The following SUPT3H variants were observed in gnomAD, a reference collection of about 807,000 sequenced individuals.
SUPT3H encodes the protein SPT3 homolog, SAGA and STAGA complex component.
SUPT3H carries 44 observed loss-of-function variants against 44.3 expected under a neutral mutation model. The observed-to-expected ratio is 0.99, with a 90% CI of 0.78 to 1.28. The LOEUF (loss-of-function observed/expected upper bound fraction) is 1.28, where lower values mean the gene tolerates loss of function less well. SUPT3H is among the 50% of genes most tolerant of loss of function. The probability of loss-of-function intolerance (pLI) is 0.00; values close to 1 mark genes in which losing one functional copy is unlikely to be tolerated. For missense variants in SUPT3H, 380 were observed against 387.1 expected (o/e 0.98, Z 0.15); for synonymous variants, 124 against 125.6 (o/e 0.99, Z 0.09).
chr6:45,288,547 GTATATA>G (rs58524677), intron 2 of SUPT3H, among the ~76,000 whole-genome samples: 48 of 126,734 alleles, frequency 3.8e-4, no homozygotes, highest in South Asian at 1.1e-3. Flanking sequence ...GTGTGTGTGT[GTATATA>G]TATATATATA....
At chr6:45,008,888 C>T (rs1783079414) in intron 5 of SUPT3H, among the ~76,000 whole-genome samples, 1 of 152,054 alleles carries the variant, frequency 6.6e-6, no homozygotes, top group East Asian at 1.9e-4. Context: ...TACAGGCACA[C>T]ACCACTATAC....
intron 10 of SUPT3H, among the ~76,000 whole-genome samples, chr6:44,888,962 T>C (rs1470607308): frequency 1.1e-5 from 1 of 94,794 alleles, no homozygotes; most frequent in Non-Finnish European, 2.1e-5. Context: ...AGCATTCTTA[T>C]ACACCAACAA....
intron 9 of SUPT3H, among the ~76,000 whole-genome samples, chr6:44,949,610 G>GC (rs1773956479): frequency 3.9e-5 from 2 of 51,770 alleles, no homozygotes; most frequent in Non-Finnish European, 1.2e-4. Flanking sequence ...CCCTTTGCCT[G>GC]CAAAAAAAAA....
chr6:44,940,029 T>G (rs891315432), intron 9 of SUPT3H, among the ~76,000 whole-genome samples: 1 of 152,058 alleles, frequency 6.6e-6, no homozygotes, highest in African/African-American at 2.4e-5. Context: ...TTTGTATTTT[T>G]TTTTGTCTTT....
At chr6:45,354,630 TAC>T (rs35189031) in intron 2 of SUPT3H, among the ~76,000 whole-genome samples, 27,934 of 149,570 alleles carry the variant, frequency 0.19, 3,694 homozygotes, top group African/African-American at 0.38. Flanking sequence ...CACGCACACA[TAC>T]ACACACACAC....
intron 2 of SUPT3H, among the ~76,000 whole-genome samples, chr6:45,300,911 G>A (rs543758532): frequency 3.9e-5 from 6 of 152,284 alleles, no homozygotes; most frequent in African/African-American, 1.4e-4. Flanking sequence ...CAACAAAACT[G>A]TGGGTTCAGC....
At chr6:44,901,653 G>A (rs376628611) in intron 10 of SUPT3H, among the ~76,000 whole-genome samples, 3 of 148,804 alleles carry the variant, frequency 2.0e-5, no homozygotes. Context: ...CCAACATTCA[G>A]ATTCAGGAAA....
At chr6:45,344,958 C>G (rs1790551634) in intron 2 of SUPT3H, among the ~76,000 whole-genome samples, 1 of 152,102 alleles carries the variant, frequency 6.6e-6, no homozygotes, top group Non-Finnish European at 1.5e-5. Flanking sequence ...TGAAGCCAAG[C>G]TTCATTCTGG....
At chr6:45,089,311 T>G (rs999582996) in intron 3 of SUPT3H, among the ~76,000 whole-genome samples, 1 of 152,090 alleles carries the variant, frequency 6.6e-6, no homozygotes, top group Non-Finnish European at 1.5e-5. Context: ...ATTTCTTATT[T>G]CAATGATGTT....
intron 2 of SUPT3H, among the ~76,000 whole-genome samples, chr6:45,255,959 CAGG>C (rs754032536): frequency 2.6e-5 from 4 of 152,124 alleles, no homozygotes; most frequent in Non-Finnish European, 5.9e-5. Flanking sequence ...ATCACGAGGT[CAGG>C]AGATCGAGAC....
chr6:45,368,942 A>G (rs548471435), intron 1 of SUPT3H, among the ~76,000 whole-genome samples: 12 of 152,168 alleles, frequency 7.9e-5, no homozygotes, highest in Non-Finnish European at 1.3e-4. Context: ...ATCAGGTTAC[A>G]TCATGATCTA....
At chr6:44,834,421 G>A (rs1286649496) in intron 10 of SUPT3H, among the ~76,000 whole-genome samples, 4 of 151,968 alleles carry the variant, frequency 2.6e-5, no homozygotes, top group African/African-American at 4.8e-5. Flanking sequence ...ATTGCTTTCC[G>A]CCCCCAAGAT....
chr6:44,943,657 C>T (rs1389149349), intron 9 of SUPT3H, among the ~76,000 whole-genome samples: 3 of 151,930 alleles, frequency 2.0e-5, no homozygotes, highest in Non-Finnish European at 4.4e-5. Flanking sequence ...GAGAAAACAA[C>T]ACATTAGACA....
chr6:45,342,348 G>A (rs1019548051), intron 2 of SUPT3H, among the ~76,000 whole-genome samples: 5 of 151,912 alleles, frequency 3.3e-5, no homozygotes, highest in Admixed American at 2.0e-4. Flanking sequence ...TGCAACCTCC[G>A]CCTCCTGGGT....
chr6:44,944,966 G>A (rs1483807541), intron 9 of SUPT3H, among the ~76,000 whole-genome samples: 1 of 151,652 alleles, frequency 6.6e-6, no homozygotes, highest in Non-Finnish European at 1.5e-5. Flanking sequence ...GCAAATTTAA[G>A]GTTTATGGTA....
intron 2 of SUPT3H, among the ~76,000 whole-genome samples, chr6:45,224,133 A>G (rs1562730613): frequency 6.6e-6 from 1 of 151,480 alleles, no homozygotes; most frequent in African/African-American, 2.4e-5. Flanking sequence ...AAAGACAAAC[A>G]TAATATATAT....
chr6:45,106,936 A>G (rs1799370526), intron 2 of SUPT3H, among the ~76,000 whole-genome samples: 1 of 152,212 alleles, frequency 6.6e-6, no homozygotes, highest in Non-Finnish European at 1.5e-5. Context: ...CCACATCCCA[A>G]TTACCAATGT....
chr6:45,246,193 T>C (rs1771310637), intron 2 of SUPT3H, among the ~76,000 whole-genome samples: 1 of 152,154 alleles, frequency 6.6e-6, no homozygotes, highest in Admixed American at 6.5e-5. Flanking sequence ...AGACATATGA[T>C]TTAGAAATAT....
rs1784009676 is a variant in SUPT3H, at chr6:45,014,831, T to G, written c.334A>C (p.Lys112Gln). ...AGAAGATCATCCTCATCGATGCCTTTGACAATCTTTGATTTGTAGTCTCGG... is the reference window on the plus strand; with the variant it reads ...AGAAGATCATCCTCATCGATGCCTTGGACAATCTTTGATTTGTAGTCTCGG... Reference protein sequence around the residue: ...FIRDYKSKIVKGIDEDDLLED... With the variant: ...FIRDYKSKIVQGIDEDDLLED... The change falls in exon 5 of 11, where the codon AAA becomes CAA. Residue 112 changes from lysine to glutamine, a missense_variant. Physicochemically the swap from Lys to Gln is moderately conservative, Grantham distance 53 (BLOSUM62 1). Transcript: ENST00000371459. The G allele has an allele frequency of 2.5e-6, 4 of 1,593,200 alleles. No homozygotes were observed. Among genetic ancestry groups the G allele is most frequent in the East Asian group, 2.3e-5 (1 of 43,938 alleles).
Sources: allele counts gnomAD v4.1 joint callset (sites outside exome capture counted in the v4.1 genomes callset), GRCh38; gene constraint gnomAD v4.1.1; transcripts MANE v1.5; gene names NCBI Gene and HGNC (gene_info 2026-07-23, HGNC 2026-07-21).